ZBED6: variants seen among roughly 807,000 people sequenced by gnomAD.
ZBED6 encodes the protein zinc finger BED-type containing 6, also known as zinc finger BED domain-containing protein 6.
ZBED6 carries 40 observed loss-of-function variants against 58.4 expected under a neutral mutation model. That is an observed-to-expected ratio of 0.68 (90% CI 0.53 to 0.89). The LOEUF is 0.89. Ranked by LOEUF, ZBED6 falls within the 40% of genes least tolerant of loss-of-function variation. ZBED6 has a pLI of 0.00. For missense variants in ZBED6, 1,057 were observed against 1,003.9 expected (o/e 1.05, Z -0.71); for synonymous variants, 439 against 350.6 (o/e 1.25, Z -2.82).
intron 16 of ZBED6, among the ~76,000 whole-genome samples, chr1:203,851,355 C>T (rs1689210736): frequency 6.6e-6 from 1 of 152,086 alleles, no homozygotes; most frequent in African/African-American, 2.4e-5. Context: ...TTTGAGGCAG[C>T]GTCTCACTGT....
intron 11 of ZBED6, among the ~76,000 whole-genome samples, chr1:203,843,181 G>T (rs1040505248): frequency 6.6e-6 from 1 of 151,964 alleles, no homozygotes; most frequent in Non-Finnish European, 1.5e-5. Context: ...CAGGTTCACT[G>T]TTGTGGATCA....
At chr1:203,806,027 G>C (rs1008575201) in intron 1 of ZBED6, 1 of 544,088 alleles carries the variant, frequency 1.8e-6, no homozygotes, top group African/African-American at 1.9e-5. Flanking sequence ...TCTTGGGTGC[G>C]ATTGTCCTGC....
exon 1 of ZBED6, chr1:203,798,786 A>T (rs1384675545): frequency 3.3e-6 from 5 of 1,536,164 alleles, no homozygotes; most frequent in Non-Finnish European, 3.5e-6. Context: ...TGTGGAGGAT[A>T]TGCATCCTTA....
At chr1:203,832,321 G>A (rs1682650277) in intron 8 of ZBED6, among the ~76,000 whole-genome samples, 1 of 151,470 alleles carries the variant, frequency 6.6e-6, no homozygotes, top group Non-Finnish European at 1.5e-5. Flanking sequence ...TTGGCCTCCC[G>A]AAGTGCTGGG....
chr1:203,797,710 A>G (rs1669052781), exon 1 of ZBED6: 12 of 1,534,830 alleles, frequency 7.8e-6, no homozygotes, highest in Non-Finnish European at 9.6e-6. Flanking sequence ...GCTAAAAAGA[A>G]AAGAAAGAAG....
intron 1 of ZBED6, among the ~76,000 whole-genome samples, chr1:203,808,305 A>G (rs1201372508): frequency 6.6e-6 from 1 of 152,202 alleles, no homozygotes; most frequent in East Asian, 1.9e-4. Context: ...GAGAAGTCTA[A>G]TAATGTCAAG....
intron 9 of ZBED6, among the ~76,000 whole-genome samples, chr1:203,836,445 T>A (rs924205629): frequency 2.6e-5 from 4 of 152,154 alleles, no homozygotes; most frequent in African/African-American, 9.7e-5. Flanking sequence ...CAACTTGTAT[T>A]GAACAGTGTA....
At chr1:203,803,521 T>C (rs1671167978) in intron 1 of ZBED6, among the ~76,000 whole-genome samples, 1 of 152,190 alleles carries the variant, frequency 6.6e-6, no homozygotes, top group South Asian at 2.1e-4. Context: ...TTTGATAATA[T>C]ATGTACATTG....
At chr1:203,810,940 G>A (rs1366842968) in intron 1 of ZBED6, among the ~76,000 whole-genome samples, 1 of 150,904 alleles carries the variant, frequency 6.6e-6, no homozygotes, top group African/African-American at 2.4e-5. Flanking sequence ...ACACCAGCCT[G>A]GCCACTATGG....
chr1:203,847,388 G>A (rs369444140), exon 12 of ZBED6: 72 of 1,613,642 alleles, frequency 4.5e-5, no homozygotes, highest in Non-Finnish European at 5.8e-5. Flanking sequence ...AAAAAACATC[G>A]GCAGCAGGAA....
chr1:203,809,957 A>G (rs1673781596), intron 1 of ZBED6, among the ~76,000 whole-genome samples: 1 of 152,178 alleles, frequency 6.6e-6, no homozygotes, highest in Non-Finnish European at 1.5e-5. Context: ...TCTCTCAAAA[A>G]TAACAAAACT....
chr1:203,802,714 C>CTTTTTTTT (rs150416242), exon 1 of ZBED6: 2 of 131,688 alleles, frequency 1.5e-5, no homozygotes, highest in African/African-American at 5.5e-5. Context: ...TAAATGAACT[C>CTTTTTTTT]TTTTTTTTTG....
chr1:203,810,060 T>G (rs1294541527), intron 1 of ZBED6, among the ~76,000 whole-genome samples: 8 of 151,222 alleles, frequency 5.3e-5, no homozygotes, highest in African/African-American at 1.9e-4. Flanking sequence ...CATCTTTGTT[T>G]TGTGTTTTTG....
intron 7 of ZBED6, among the ~76,000 whole-genome samples, chr1:203,831,156 C>T (rs983858520): frequency 1.3e-5 from 2 of 151,764 alleles, no homozygotes; most frequent in Non-Finnish European, 2.9e-5. Flanking sequence ...GTTGGTTGGG[C>T]TGGTCTCGAA....
chr1:203,853,594 A>G (rs1172525412), exon 17 of ZBED6: 1 of 152,606 alleles, frequency 6.6e-6, no homozygotes, highest in African/African-American at 2.4e-5. Flanking sequence ...ACCCATTTTG[A>G]TATTTTGCTG....
At chr1:203,852,073 T>G in intron 16 of ZBED6, 68 bp from the exon 17 acceptor site, 3 of 1,592,066 alleles carry the variant, frequency 1.9e-6, no homozygotes, top group South Asian at 1.1e-5. Flanking sequence ...TTTGTGTCCG[T>G]GAGACTAGGT....
exon 1 of ZBED6, chr1:203,796,096 C>T (rs1668383274): frequency 5.1e-6 from 1 of 194,332 alleles, no homozygotes; most frequent in African/African-American, 2.4e-5. Context: ...TCCCCTCCCC[C>T]ACATCCGGTG....
At chr1:203,833,258 C>T (rs1380201054) in intron 8 of ZBED6, among the ~76,000 whole-genome samples, 1 of 151,628 alleles carries the variant, frequency 6.6e-6, no homozygotes, top group Non-Finnish European at 1.5e-5. Flanking sequence ...ATCCCAGCTA[C>T]TCAGGCTGAG....
At chr1:203,835,963 G>C (rs555807007) in intron 9 of ZBED6, 1 of 171,098 alleles carries the variant, frequency 5.8e-6, no homozygotes, top group East Asian at 1.5e-4. Flanking sequence ...GATCCAAGAT[G>C]GTGGGGAGAG....
Sources: allele counts gnomAD v4.1 joint callset (sites outside exome capture counted in the v4.1 genomes callset), GRCh38; gene constraint gnomAD v4.1.1; transcripts MANE v1.5; gene names NCBI Gene and HGNC (gene_info 2026-07-23, HGNC 2026-07-21).